INSR: variants seen among roughly 807,000 people sequenced by gnomAD.
INSR encodes the protein insulin receptor.
In INSR, 67 loss-of-function variants were observed where a neutral mutation model predicts 142.6. That is an observed-to-expected ratio of 0.47 (90% CI 0.39 to 0.58). The LOEUF (loss-of-function observed/expected upper bound fraction) is 0.58. INSR is among the 20% of genes least tolerant of loss of function. The pLI, the probability that INSR is intolerant of heterozygous loss-of-function variation, is 0.00. For missense variants in INSR, 1,248 were observed against 1,833.2 expected, an observed-to-expected ratio of 0.68 and a Z score of 5.83; for synonymous variants, 756 against 743.1, an observed-to-expected ratio of 1.02 and a Z score of -0.28.
intron 1 of INSR, among the ~76,000 whole-genome samples, chr19:7,282,663 C>T (rs186118528): frequency 1.4e-4 from 21 of 151,748 alleles, no homozygotes; most frequent in African/African-American, 3.1e-4. Flanking sequence ...GCCTGGGCAA[C>T]GGAGTAAGAC....
At chr19:7,204,094 C>T (rs1480537657) in intron 2 of INSR, among the ~76,000 whole-genome samples, 1 of 151,906 alleles carries the variant, frequency 6.6e-6, no homozygotes, top group Non-Finnish European at 1.5e-5. Context: ...TCCTGAGTAG[C>T]TGGGATTACA....
chr19:7,162,100 G>A (rs1973765790), intron 9 of INSR, among the ~76,000 whole-genome samples: 1 of 152,010 alleles, frequency 6.6e-6, no homozygotes, highest in Non-Finnish European at 1.5e-5. Flanking sequence ...GCCGAGGCGG[G>A]TGGATCATTT....
intron 2 of INSR, among the ~76,000 whole-genome samples, chr19:7,199,605 C>T (rs1038475044): frequency 8.4e-6 from 1 of 118,492 alleles, no homozygotes; most frequent in African/African-American, 3.3e-5. Flanking sequence ...CTCTATGTTG[C>T]CTAGGCTGGT....
chr19:7,190,125 T>C lies in INSR; in HGVS notation c.653-5488A>G, dbSNP rs369675825. On this transcript the variant is annotated intron_variant, in intron 2 of 21. Coordinates refer to ENST00000302850, the MANE Select transcript of INSR (RefSeq NM_000208.4). Reference sequence around the variant, plus strand: ...ACTTTGGGAGGCTGAGGCGGGAGGATTGCTTGAGCCCAGGCATTCGAGACC... The same window carrying C: ...ACTTTGGGAGGCTGAGGCGGGAGGACTGCTTGAGCCCAGGCATTCGAGACC... Among the ~76,000 whole-genome samples the C allele has an allele frequency of 5.3e-5, 8 of 151,904 alleles. No homozygotes were observed. In the East Asian group the frequency reaches 9.7e-4, roughly 18 times the overall value.
intron 2 of INSR, among the ~76,000 whole-genome samples, chr19:7,253,437 C>T (rs1976796617): frequency 6.6e-6 from 1 of 151,658 alleles, no homozygotes; most frequent in Non-Finnish European, 1.5e-5. Context: ...GGGGTTTCAC[C>T]ACGTTGGCCA....
chr19:7,137,721 A>T (rs1054378543), intron 13 of INSR, among the ~76,000 whole-genome samples: 1 of 131,404 alleles, frequency 7.6e-6, no homozygotes, highest in African/African-American at 2.8e-5. Context: ...AGGGAGGCAG[A>T]GGTTGCAGTG....
chr19:7,114,507 T>G lies in INSR; in HGVS notation c.*2549A>C, dbSNP rs951256767. On this transcript the variant is annotated 3_prime_UTR_variant, in exon 22 of 22. Transcript: ENST00000302850. ...TCTATGCTCGCATAAAGGCCATACCTTCTCCATCCCAACTCCCTCCCTCAA... is the reference window on the plus strand; with the variant it reads ...TCTATGCTCGCATAAAGGCCATACCGTCTCCATCCCAACTCCCTCCCTCAA... 2.0e-5 allele frequency: 3 copies of G among 152,480 alleles called. No homozygotes were observed. Among genetic ancestry groups the G allele is most frequent in the Non-Finnish European group, 4.4e-5 (3 of 68,042 alleles). 9.4% of individuals were successfully genotyped at this position (152,480 alleles called of 1,614,324 possible). A position where few individuals can be genotyped will look rare whatever the true frequency, so the allele number is the denominator to read the frequency against.
At chr19:7,171,704 T>G (rs1403478140) in intron 5 of INSR, among the ~76,000 whole-genome samples, 2 of 152,158 alleles carry the variant, frequency 1.3e-5, no homozygotes, top group Admixed American at 6.6e-5. Context: ...AATTCCAGCC[T>G]GTACCCTTGG....
chr19:7,260,966 C>T (rs1251237152), intron 2 of INSR, among the ~76,000 whole-genome samples: 4 of 151,738 alleles, frequency 2.6e-5, no homozygotes, highest in Admixed American at 2.0e-4. Flanking sequence ...CAGCTCACTG[C>T]GACCTCCGCC....
At chr19:7,235,425 A>G (rs975292317) in intron 2 of INSR, among the ~76,000 whole-genome samples, 3 of 152,182 alleles carry the variant, frequency 2.0e-5, no homozygotes, top group African/African-American at 7.2e-5. Context: ...ACTCTAGAAA[A>G]TAAGATTCTG....
chr19:7,197,345 TGAGTGAGTGAGTGGGGAGG>T (rs1189832273), intron 2 of INSR, among the ~76,000 whole-genome samples: 2 of 147,850 alleles, frequency 1.4e-5, no homozygotes, highest in African/African-American at 5.0e-5. Context: ...AGTAAGCGAG[TGAGTGAGTGAGTGGGGAGG>T]GAGTGAGTCC....
At chr19:7,208,545 C>T (rs1975180831) in intron 2 of INSR, among the ~76,000 whole-genome samples, 1 of 152,180 alleles carries the variant, frequency 6.6e-6, no homozygotes, top group Admixed American at 6.5e-5. Flanking sequence ...CCTTGACCAG[C>T]TTAAGAGAAC....
intron 8 of INSR, 38 bp from the exon 9 acceptor site, chr19:7,163,237 C>T: frequency 6.3e-7 from 1 of 1,586,582 alleles, no homozygotes; most frequent in South Asian, 1.1e-5. Context: ...TCATGAGAAA[C>T]AGTGTGCAAA....
intron 2 of INSR, among the ~76,000 whole-genome samples, chr19:7,266,467 C>CCTCCGCCTCCCGGGTTCAAGTGATT (rs1967734585): frequency 6.6e-6 from 1 of 150,844 alleles, no homozygotes; most frequent in Non-Finnish European, 1.5e-5. Context: ...CTCACTGCAA[C>CCTCCGCCTCCCGGGTTCAAGTGATT]CTCCGCCTCC....
chr19:7,178,874 C>T (rs1270214907), intron 3 of INSR, among the ~76,000 whole-genome samples: 1 of 152,110 alleles, frequency 6.6e-6, no homozygotes, highest in Non-Finnish European at 1.5e-5. Context: ...CAGATCTTGC[C>T]GTATGTGTAT....
intron 2 of INSR, among the ~76,000 whole-genome samples, chr19:7,196,858 C>A (rs1022976737): frequency 1.3e-5 from 2 of 152,146 alleles, no homozygotes; most frequent in Non-Finnish European, 2.9e-5. Context: ...ACAGTTGCGT[C>A]ATGGGCCTGC....
chr19:7,172,728 C>T (rs757785104), intron 4 of INSR, among the ~76,000 whole-genome samples: 1 of 152,046 alleles, frequency 6.6e-6, no homozygotes, highest in Non-Finnish European at 1.5e-5. Flanking sequence ...ATACCAGAGA[C>T]TTCTCTAAAA....
intron 2 of INSR, among the ~76,000 whole-genome samples, chr19:7,202,721 G>A (rs11881057): frequency 0.14 from 20,698 of 152,060 alleles, 1,716 homozygotes; most frequent in African/African-American, 0.24. Flanking sequence ...GGCTGGTCTC[G>A]AACTCCTGAC....
chr19:7,196,769 AC>A (rs1974759530), intron 2 of INSR, among the ~76,000 whole-genome samples: 1 of 152,104 alleles, frequency 6.6e-6, no homozygotes, highest in Admixed American at 6.6e-5. Flanking sequence ...AAGTTTAAAA[AC>A]CTTTCCAAAG....
Sources: allele counts gnomAD v4.1 joint callset (sites outside exome capture counted in the v4.1 genomes callset), GRCh38; gene constraint gnomAD v4.1.1; transcripts MANE v1.5; gene names NCBI Gene and HGNC (gene_info 2026-07-23, HGNC 2026-07-21).